ESRRB: variants seen among roughly 807,000 people sequenced by gnomAD.
The protein encoded by ESRRB is steroid hormone receptor ERR2.
ESRRB carries 16 observed loss-of-function variants against 46.0 expected under a neutral mutation model. The observed-to-expected ratio is 0.35, with a 90% CI of 0.24 to 0.53. The LOEUF (loss-of-function observed/expected upper bound fraction) is 0.53. Ranked by LOEUF, ESRRB falls within the 20% of genes least tolerant of loss-of-function variation. ESRRB has a pLI of 0.93. For missense variants in ESRRB, 488 were observed against 607.4 expected (o/e 0.80, Z 2.07); for synonymous variants, 246 against 259.6 (o/e 0.95, Z 0.50).
At chr14:76,481,099 C>T (rs966185810) in intron 3 of ESRRB, among the ~76,000 whole-genome samples, 1 of 152,236 alleles carries the variant, frequency 6.6e-6, no homozygotes, top group Non-Finnish European at 1.5e-5. Flanking sequence ...GCTTGGGGCA[C>T]CTGCTCTCTG....
At chr14:76,369,569 C>T (rs1222368356), upstream of ESRRB, among the ~76,000 whole-genome samples, 2 of 152,128 alleles carry the variant, frequency 1.3e-5, no homozygotes, top group Admixed American at 6.5e-5. Context: ...CCACCACGCC[C>T]GGCCTCGATG....
chr14:76,450,760 G>A (rs1279048378), intron 2 of ESRRB, among the ~76,000 whole-genome samples: 1 of 152,058 alleles, frequency 6.6e-6, no homozygotes, highest in African/African-American at 2.4e-5. Flanking sequence ...CACAAGACAG[G>A]GGTGCAGAGA....
At chr14:76,470,469 A>G (rs61246383) in intron 3 of ESRRB, among the ~76,000 whole-genome samples, 1 of 152,140 alleles carries the variant, frequency 6.6e-6, no homozygotes, top group African/African-American at 2.4e-5. Flanking sequence ...TCTCACAGAC[A>G]TCTAGAAGGA....
At chr14:76,426,945 T>A (rs143905842) in intron 1 of ESRRB, among the ~76,000 whole-genome samples, 6 of 152,234 alleles carry the variant, frequency 3.9e-5, no homozygotes, top group African/African-American at 1.4e-4. Flanking sequence ...TACTCTTTTG[T>A]TTAAGTGCGA....
chr14:76,422,553 G>A (rs1449042741), intron 1 of ESRRB, among the ~76,000 whole-genome samples: 1 of 152,092 alleles, frequency 6.6e-6, no homozygotes, highest in Non-Finnish European at 1.5e-5. Flanking sequence ...AGATGACTGA[G>A]AACTATGTGG....
At chr14:76,490,730 A>T (rs1890189512) in intron 5 of ESRRB, among the ~76,000 whole-genome samples, 1 of 152,018 alleles carries the variant, frequency 6.6e-6, no homozygotes, top group Admixed American at 6.6e-5. Context: ...GGGAGGGGGG[A>T]ACTAGCATGA....
At chr14:76,341,381 G>A (rs895219839) in intron 1 of ESRRB, among the ~76,000 whole-genome samples, 11 of 152,172 alleles carry the variant, frequency 7.2e-5, no homozygotes, top group African/African-American at 7.2e-5. Context: ...CCTCACTGGC[G>A]GGGGCTTCAG....
intron 2 of ESRRB, among the ~76,000 whole-genome samples, chr14:76,447,129 C>T (rs1888180131): frequency 6.6e-6 from 1 of 152,176 alleles, no homozygotes; most frequent in African/African-American, 2.4e-5. Context: ...AGAGATGTCT[C>T]CTACCCCAGG....
chr14:76,500,872 T>C lies in ESRRB; in HGVS notation c.*2414T>C. 1.3e-6 allele frequency: 1 copy of C among 798,048 alleles called. No individual in the cohort carries two copies. The highest frequency in any genetic ancestry group is 2.2e-6 in the Non-Finnish European group (1 of 455,540). The allele number at this position is 798,048 out of a possible 1,614,324, so 49.4% of individuals were successfully genotyped here. A position where few individuals can be genotyped will look rare whatever the true frequency, so the allele number is the denominator to read the frequency against. ...GGTGTCCATGAGGTGGAAGCTGCTTTTATACTTAAAACTCAGATCACAACA... is the reference window on the plus strand; with the variant it reads ...GGTGTCCATGAGGTGGAAGCTGCTTCTATACTTAAAACTCAGATCACAACA... On this transcript the variant is annotated 3_prime_UTR_variant, in exon 7 of 7. Transcript: ENST00000644823.
In ESRRB at chr14:76,501,761, C is replaced by G. The variant is rs1346048239; in HGVS notation, c.*3303C>G. The stretch of plus-strand genomic sequence containing the variant: ...CCTCTGTATATGTTCTCCCAGAAAC[C>G]CCCATGTAAATCAAATGCCCTAGGA... On this transcript the variant is annotated 3_prime_UTR_variant, in exon 7 of 7. Transcript: ENST00000644823. The G allele has an allele frequency of 6.6e-6, 1 of 152,146 alleles. No individual in the cohort carries two copies. The highest frequency in any genetic ancestry group is 2.4e-5 in the African/African-American group (1 of 41,416). The allele number at this position is 152,146 out of a possible 1,614,324, so 9.4% of individuals were successfully genotyped here.
chr14:76,337,421 C>T (rs1008704396), intron 1 of ESRRB, among the ~76,000 whole-genome samples: 41 of 152,136 alleles, frequency 2.7e-4, no homozygotes, highest in Non-Finnish European at 1.8e-4. Context: ...TTGTTCAACT[C>T]CTGCCTCCAG....
intron 1 of ESRRB, among the ~76,000 whole-genome samples, chr14:76,357,915 A>C (rs1462378034): frequency 1.3e-5 from 2 of 152,236 alleles, no homozygotes; most frequent in African/African-American, 4.8e-5. Flanking sequence ...TATGTGCAGA[A>C]GGGAATGAGC....
At chr14:76,399,091 T>C (rs1437213640) in intron 1 of ESRRB, among the ~76,000 whole-genome samples, 2 of 152,086 alleles carry the variant, frequency 1.3e-5, no homozygotes, top group Non-Finnish European at 2.9e-5. Flanking sequence ...CAGCCTGCCT[T>C]TTTTGCAGAT....
At chr14:76,491,839 A>C (rs2140051413) in intron 6 of ESRRB, 123 bp downstream of exon 6, 1 of 1,197,678 alleles carries the variant, frequency 8.3e-7, no homozygotes, top group Non-Finnish European at 1.1e-6. Context: ...GAAAACACTG[A>C]AACTTTTTAT....
intron 1 of ESRRB, among the ~76,000 whole-genome samples, chr14:76,406,091 T>C (rs1886174173): frequency 6.6e-6 from 1 of 152,204 alleles, no homozygotes; most frequent in Non-Finnish European, 1.5e-5. Context: ...GGATTAAAAA[T>C]GTATTTGCAT....
At chr14:76,398,586 G>A (rs551089404) in intron 1 of ESRRB, among the ~76,000 whole-genome samples, 1 of 152,188 alleles carries the variant, frequency 6.6e-6, no homozygotes, top group African/African-American at 2.4e-5. Flanking sequence ...AAGGAGGGTA[G>A]GGCTGTGGGG....
chr14:76,475,808 C>A (rs962288301), intron 3 of ESRRB, among the ~76,000 whole-genome samples: 1 of 152,172 alleles, frequency 6.6e-6, no homozygotes, highest in Non-Finnish European at 1.5e-5. Context: ...AAACTATGTT[C>A]TACATGGTTA....
chr14:76,421,224 C>T lies in ESRRB; in HGVS notation c.51-18117C>T, dbSNP rs577558965. 8.5e-5 allele frequency among the ~76,000 whole-genome samples: 13 copies of T among 152,250 alleles called. No individual in the cohort carries two copies. In the East Asian group the frequency reaches 2.5e-3, roughly 29 times the overall value. On this transcript the variant is annotated intron_variant, in intron 1 of 6. Transcript: ENST00000644823. Reference sequence around the variant, plus strand: ...AAGAAGTAGCCCTGTCTGGAGTCACCCCTCCAGAGATGTGTAACCCCAGAG... The same window carrying T: ...AAGAAGTAGCCCTGTCTGGAGTCACTCCTCCAGAGATGTGTAACCCCAGAG...
chr14:76,500,129 C>T lies in ESRRB; in HGVS notation c.*1671C>T. ...CACCTCCTTGGCTCTACCCCAGGAA[C>T]CTCCCGGCCTGGGCTTCTGGGCTGG... On this transcript the variant is annotated 3_prime_UTR_variant, in exon 7 of 7. Coordinates refer to ENST00000644823, the MANE Select transcript of ESRRB (RefSeq NM_001379180.1). The T allele has an allele frequency of 1.4e-6, 2 of 1,405,596 alleles. No individual in the cohort carries two copies. The highest frequency in any genetic ancestry group is 1.9e-6 in the Non-Finnish European group (2 of 1,028,838). 87.1% of individuals were successfully genotyped at this position (1,405,596 alleles called of 1,614,324 possible).
Sources: allele counts gnomAD v4.1 joint callset (sites outside exome capture counted in the v4.1 genomes callset), GRCh38; gene constraint gnomAD v4.1.1; transcripts MANE v1.5; gene names NCBI Gene and HGNC (gene_info 2026-07-23, HGNC 2026-07-21).